Variants in APC2 observed in about 807,000 individuals in gnomAD.
APC2 encodes adenomatous polyposis coli protein 2.
Under a neutral mutation model 72.5 loss-of-function variants are expected in APC2, and 41 were observed. That is an observed-to-expected ratio of 0.57 (90% CI 0.44 to 0.73). APC2 has a LOEUF of 0.73. Among genes scored for constraint, APC2 ranks in the 30% least tolerant of loss-of-function variants. The probability of loss-of-function intolerance (pLI) is 0.00; values close to 1 mark genes in which losing one functional copy is unlikely to be tolerated. For synonymous variants in APC2, 1,898 were observed against 1,612.0 expected, an observed-to-expected ratio of 1.18 and a Z score of -4.25; for missense variants, 3,729 against 3,403.4, an observed-to-expected ratio of 1.10 and a Z score of -2.38.
At chr19:1,456,741 T>A (rs1967575238) in intron 8 of APC2, 112 bp from the exon 9 acceptor site, 1 of 1,316,692 alleles carries the variant, frequency 7.6e-7, no homozygotes, top group Non-Finnish European at 1.0e-6. Flanking sequence ...GTCCCCCAGG[T>A]GGGCGTGGGG....
At chr19:1,448,976 C>G (rs868429790), upstream of APC2, among the ~76,000 whole-genome samples, 1 of 152,230 alleles carries the variant, frequency 6.6e-6, no homozygotes. Flanking sequence ...ACAGCCAGGC[C>G]GAAGGGCTCT....
chr19:1,457,435 G>C, intron 9 of APC2, 192 bp downstream of exon 9: 1 of 800,366 alleles, frequency 1.2e-6, no homozygotes, highest in Non-Finnish European at 1.9e-6. Context: ...CGTACCTGGC[G>C]CAGAGTAAAC....
rs111280997 is a variant in APC2, at chr19:1,467,858, G to A, written c.4557G>A (p.Pro1519=). 7.6e-4 allele frequency: 1,183 copies of A among 1,547,654 alleles called. No individual in the cohort carries two copies. The highest frequency in any genetic ancestry group is 9.5e-4 in the Non-Finnish European group (1,093 of 1,155,866). The change falls in exon 15 of 15, where the codon CCG becomes CCA. Residue 1519 remains proline, a synonymous_variant. Transcript: ENST00000590469. The part of the protein sequence containing the change: ...FYGNDSDEEP[P]AAAPTPTHRR... The stretch of plus-strand genomic sequence containing the variant: ...GCAACGACTCGGACGAGGAGCCCCC[G>A]GCGGCCGCGCCCACGCCAACCCACC...
intron 9 of APC2, chr19:1,457,672 TG>T: frequency 1.9e-6 from 1 of 529,990 alleles, no homozygotes; most frequent in South Asian, 2.0e-5. Flanking sequence ...CACTCCAGTC[TG>T]GACAACAGAG....
Position 1,467,439 on chromosome 19 carries a change from C to T in APC2, c.4138C>T (p.Pro1380Ser). Residue 1380 changes from proline (P) to serine (S), a missense_variant, in exon 15 of 15, where the codon CCG (proline) becomes TCG (serine). Transcript: ENST00000590469. ...GCCCGTCTACATGTTGGTGCCCGCC[C>T]CGGCCCCGGCCCAGGAGGACGACTC... ...PVPVYMLVPA[P>S]APAQEDDSCT... is the part of the protein sequence containing the mutation. 1 of 1,478,700 alleles carries T rather than the reference C, an allele frequency of 6.8e-7. No individual in the cohort carries two copies. Among genetic ancestry groups the T allele is most frequent in the Admixed American group, 2.3e-5 (1 of 44,404 alleles). The allele number at this position is 1,478,700 out of a possible 1,614,324, so 91.6% of individuals were successfully genotyped here. A position where few individuals can be genotyped will look rare whatever the true frequency, so the allele number is the denominator to read the frequency against.
chr19:1,470,383 C>A lies in APC2; in HGVS notation c.*170C>A. 1.0e-6 allele frequency: 1 copy of A among 998,054 alleles called. No individual in the cohort carries two copies. The highest frequency in any genetic ancestry group is 1.4e-6 in the Non-Finnish European group (1 of 718,482). The allele number at this position is 998,054 out of a possible 1,614,324, so 61.8% of individuals were successfully genotyped here. ...CAGCGCACGGCGACCTCGCGCCTCA[C>A]CGGAAGACCTTGCCTCTGTGCCGCG... On this transcript the variant is annotated 3_prime_UTR_variant, in exon 15 of 15. Coordinates refer to ENST00000590469, the MANE Select transcript of APC2 (RefSeq NM_005883.3).
In APC2 at chr19:1,473,045, C is replaced by T. The variant is rs147542086; in HGVS notation, c.*2832C>T. The T allele has an allele frequency of 9.5e-3, 1,442 of 152,412 alleles. 11 individuals are homozygous for T. Among genetic ancestry groups the T allele is most frequent in the South Asian group, 0.031 (149 of 4,832 alleles). The allele number at this position is 152,412 out of a possible 1,614,324, so 9.4% of individuals were successfully genotyped here. A position where few individuals can be genotyped will look rare whatever the true frequency, so the allele number is the denominator to read the frequency against. Reference sequence around the variant, plus strand: ...TTGCCCCGGTCCAGCCCTGATGGCGCGCGCCTGGTCTGTCTGATTCCCCTA... The same window carrying T: ...TTGCCCCGGTCCAGCCCTGATGGCGTGCGCCTGGTCTGTCTGATTCCCCTA... On this transcript the variant is annotated 3_prime_UTR_variant, in exon 15 of 15. Transcript: ENST00000590469.
chr19:1,454,903 T>C (rs2083796071), intron 4 of APC2, among the ~76,000 whole-genome samples: 1 of 152,118 alleles, frequency 6.6e-6, no homozygotes, highest in African/African-American at 2.4e-5. Flanking sequence ...TTTTTTCCTT[T>C]TTAGAGAGGG....
In APC2 at chr19:1,455,501, G is replaced by C; in HGVS notation, c.639+1G>C. On this transcript the variant is annotated splice_donor_variant, in intron 6 of 14. Transcript: ENST00000590469. LOFTEE classifies it high-confidence loss of function. ...GGACGAGATGGTGCAGCGGGCACAG[G>C]TGCGGCGGTGGGCGGGGTGGCGCGG... is the stretch of plus-strand genomic sequence containing the variant. 2 of 1,598,730 alleles carry C rather than the reference G, an allele frequency of 1.3e-6. No homozygotes were observed. Among genetic ancestry groups the C allele is most frequent in the Non-Finnish European group, 1.7e-6 (2 of 1,172,814 alleles).
intron 9 of APC2, 167 bp from the exon 10 acceptor site, chr19:1,457,798 C>G (rs2083858690): frequency 3.1e-6 from 2 of 647,430 alleles, no homozygotes; most frequent in Non-Finnish European, 5.5e-6. Flanking sequence ...AGAGGCCACC[C>G]CATCATCCCA....
chr19:1,454,992 C>CG (rs2083798285), intron 4 of APC2, among the ~76,000 whole-genome samples, 157 bp from the exon 5 acceptor site: 1 of 143,048 alleles, frequency 7.0e-6, no homozygotes, highest in Non-Finnish European at 1.5e-5. Context: ...ACCCACCCCC[C>CG]CCCCCTTACC....
intron 4 of APC2, among the ~76,000 whole-genome samples, chr19:1,454,656 CG>C (rs1569141156): frequency 6.6e-6 from 1 of 151,366 alleles, no homozygotes; most frequent in Non-Finnish European, 1.5e-5. Flanking sequence ...CTCCGCCTCC[CG>C]GGTTCACACC....
chr19:1,468,954 C>A lies in APC2; in HGVS notation c.5653C>A (p.Pro1885Thr). 1.3e-6 allele frequency: 2 copies of A among 1,553,776 alleles called. No homozygotes were observed. Among genetic ancestry groups the A allele is most frequent in the Non-Finnish European group, 1.7e-6 (2 of 1,156,512 alleles). ...SSSQTSPASQ[P>T]LPRKRPPVTQ... Reference sequence around the variant, plus strand: ...CTCCCAGACCTCGCCCGCCTCCCAGCCCCTGCCCAGAAAGCGCCCCCCGGT... The same window carrying A: ...CTCCCAGACCTCGCCCGCCTCCCAGACCCTGCCCAGAAAGCGCCCCCCGGT... The change falls in exon 15 of 15, where the codon CCC becomes ACC. Residue 1885 changes from proline to threonine, a missense_variant. Coordinates refer to ENST00000590469, the MANE Select transcript of APC2 (RefSeq NM_005883.3).
In APC2 at chr19:1,458,125, CG is replaced by C; in HGVS notation, c.1303+66del. 3 of 1,422,706 alleles carry C rather than the reference CG, an allele frequency of 2.1e-6. No individual in the cohort carries two copies. In the South Asian group the frequency reaches 3.7e-5, roughly 17 times the overall value. The allele number at this position is 1,422,706 out of a possible 1,614,324, so 88.1% of individuals were successfully genotyped here. A position where few individuals can be genotyped will look rare whatever the true frequency, so the allele number is the denominator to read the frequency against. On this transcript the variant is annotated intron_variant, in intron 10 of 14. Transcript: ENST00000590469. ...CCCGAACAGGTGGTGGCTCCTCGGCCGCTAAAGGGACACAGGCTGGGTCATC... is the reference window on the plus strand; with the variant it reads ...CCCGAACAGGTGGTGGCTCCTCGGCCCTAAAGGGACACAGGCTGGGTCATC...
At position 1,466,099 on chromosome 19, in the gene APC2, G is replaced by A. The variant is rs1287705746; in HGVS notation, c.2798G>A (p.Ser933Asn). 4 of 1,542,552 alleles carry A rather than the reference G, an allele frequency of 2.6e-6. No individual in the cohort carries two copies. Among genetic ancestry groups the A allele is most frequent in the South Asian group, 2.4e-5 (2 of 83,748 alleles). The change falls in exon 15 of 15, where the codon AGC becomes AAC. Residue 933 changes from serine (S) to asparagine (N), a missense_variant. By Grantham distance (46) the Ser-to-Asn change is conservative. Transcript: ENST00000590469. ...SNDSLNSGSA[S>N]DGYCPREHML... ...GACAGCCTCAACAGCGGCAGTGCCAGCGACGGGTACTGCCCACGCGAACAT... is the reference window on the plus strand; with the variant it reads ...GACAGCCTCAACAGCGGCAGTGCCAACGACGGGTACTGCCCACGCGAACAT...
intron 4 of APC2, among the ~76,000 whole-genome samples, 189 bp downstream of exon 4, chr19:1,453,800 C>T (rs758585196): frequency 2.6e-5 from 4 of 152,204 alleles, no homozygotes; most frequent in Non-Finnish European, 5.9e-5. Flanking sequence ...TGGCCTCCCT[C>T]CCCCTCCCCA....
In APC2 at chr19:1,460,213, G is replaced by A. The variant is rs762601153; in HGVS notation, c.1336G>A (p.Val446Ile). ...GLQAVAELLQ[V>I]DYEMHKMTRD... Reference sequence around the variant, plus strand: ...GCAGGCCGTGGCAGAGCTGCTGCAGGTTGACTATGAGATGCACAAGATGAC... The same window carrying A: ...GCAGGCCGTGGCAGAGCTGCTGCAGATTGACTATGAGATGCACAAGATGAC... Residue 446 changes from valine (V) to isoleucine (I), a missense_variant, in exon 11 of 15, where the codon GTT becomes ATT. Physicochemically the swap from Val to Ile is conservative, Grantham distance 29. Coordinates refer to ENST00000590469, the MANE Select transcript of APC2 (RefSeq NM_005883.3). The A allele has an allele frequency of 5.0e-6, 8 of 1,613,438 alleles. No homozygotes were observed. The African/African-American group carries it at 9.3e-5, about 19-fold the overall frequency.
At position 1,468,361 on chromosome 19, in the gene APC2, G is replaced by T. The variant is rs1371636976; in HGVS notation, c.5060G>T (p.Arg1687Leu). The change falls in exon 15 of 15, where the codon CGC (arginine) becomes CTC (leucine). Residue 1687 changes from arginine (R) to leucine (L), a missense_variant. Coordinates refer to ENST00000590469, the MANE Select transcript of APC2 (RefSeq NM_005883.3). ...RASDLDSVEW[R>L]AIQEGANSIV... ...TCCGACCTGGATAGCGTGGAGTGGCGCGCCATCCAGGAGGGCGCCAATTCA... is the reference window on the plus strand; with the variant it reads ...TCCGACCTGGATAGCGTGGAGTGGCTCGCCATCCAGGAGGGCGCCAATTCA... The T allele has an allele frequency of 7.6e-6, 12 of 1,569,516 alleles. No individual in the cohort carries two copies. In the East Asian group the frequency reaches 2.8e-4, roughly 37 times the overall value.
At chr19:1,451,684 G>C (rs1192229489) in intron 1 of APC2, 2 of 152,284 alleles carry the variant, frequency 1.3e-5, no homozygotes, top group Non-Finnish European at 1.5e-5. Flanking sequence ...CTAGGGCCTC[G>C]TTTCTCCCTC....
Sources: allele counts gnomAD v4.1 joint callset (sites outside exome capture counted in the v4.1 genomes callset), GRCh38; gene constraint gnomAD v4.1.1; transcripts MANE v1.5; gene names NCBI Gene and HGNC (gene_info 2026-07-23, HGNC 2026-07-21).